Variants in FAM153A observed in about 807,000 individuals in gnomAD.
FAM153A encodes the protein protein FAM153A.
FAM153A carries 12 observed loss-of-function variants against 48.1 expected under a neutral mutation model. The ratio of observed to expected loss-of-function variants is 0.25; its 90% CI spans 0.16 to 0.40. FAM153A has a LOEUF of 0.40. Among genes scored for constraint, FAM153A ranks in the 10% least tolerant of loss-of-function variants. The probability of loss-of-function intolerance (pLI) is 1.00; values close to 1 mark genes in which losing one functional copy is unlikely to be tolerated. For missense variants in FAM153A, 111 were observed against 345.8 expected, an observed-to-expected ratio of 0.32 and a Z score of 5.38; for synonymous variants, 36 against 118.2, an observed-to-expected ratio of 0.30 and a Z score of 4.51.
chr5:177,696,983 G>T, the FAM153A span, among the ~76,000 whole-genome samples: 1 of 151,888 alleles, frequency 6.6e-6, no homozygotes, highest in Non-Finnish European at 1.5e-5. Context: ...TGCAAAAAAG[G>T]CAGGTGGAAT....
chr5:177,725,864 C>G (rs1389174297), intron 18 of FAM153A, among the ~76,000 whole-genome samples: 1 of 151,946 alleles, frequency 6.6e-6, no homozygotes, highest in African/African-American at 2.4e-5. Context: ...ACAGAGGGCC[C>G]TGAGCAACAG....
chr5:177,716,060 T>C (rs990091582), intron 25 of FAM153A, among the ~76,000 whole-genome samples: 9 of 151,206 alleles, frequency 6.0e-5, no homozygotes, highest in Admixed American at 1.3e-4. Flanking sequence ...CTTAGCTCAC[T>C]GTAGCCCCCA....
At chr5:177,706,018 T>C (rs1415285837), downstream of FAM153A, among the ~76,000 whole-genome samples, 5 of 151,820 alleles carry the variant, frequency 3.3e-5, no homozygotes, top group Non-Finnish European at 7.3e-5. Flanking sequence ...CATGCATGGA[T>C]TGAAAGACTT....
downstream of FAM153A, among the ~76,000 whole-genome samples, chr5:177,705,909 C>T (rs1393740520): frequency 2.0e-5 from 3 of 151,564 alleles, no homozygotes; most frequent in Non-Finnish European, 4.4e-5. Flanking sequence ...CTGCCCGCCT[C>T]GGCCTCCCAA....
At chr5:177,696,252 T>C in the FAM153A span, among the ~76,000 whole-genome samples, 1 of 121,008 alleles carries the variant, frequency 8.3e-6, no homozygotes, top group African/African-American at 3.3e-5. Flanking sequence ...CGCTCCTCAC[T>C]TCCCAGACGG....
At chr5:177,699,402 G>C in the FAM153A span, among the ~76,000 whole-genome samples, 1 of 151,628 alleles carries the variant, frequency 6.6e-6, no homozygotes, top group African/African-American at 2.4e-5. Flanking sequence ...GAAACCAGAA[G>C]TTGGTTCTTT....
chr5:177,706,536 AGTAGTTTTAGACAAAAC>A (rs1293056246), downstream of FAM153A, among the ~76,000 whole-genome samples: 5 of 152,022 alleles, frequency 3.3e-5, no homozygotes, highest in African/African-American at 4.8e-5. Context: ...AATTTTTAAG[AGTAGTTTTAGACAAAAC>A]GTAGTTTTAG....
the FAM153A span, among the ~76,000 whole-genome samples, chr5:177,701,492 G>A: frequency 6.6e-6 from 1 of 151,860 alleles, no homozygotes; most frequent in Non-Finnish European, 1.5e-5. Flanking sequence ...TTGAACCCAG[G>A]AGGTGGAGGT....
upstream of FAM153A, chr5:177,783,108 C>A (rs897498593): frequency 4.9e-5 from 5 of 102,024 alleles, 1 homozygote; most frequent in African/African-American, 1.9e-4. Flanking sequence ...GCCCTGGGGG[C>A]TGCCTGGCTG....
exon 27 of FAM153A, chr5:177,713,008 AAG>A (rs1758741278): frequency 6.6e-6 from 1 of 151,934 alleles, no homozygotes; most frequent in Admixed American, 6.6e-5. Context: ...GTGCTCTACC[AAG>A]AGAGACACCT....
chr5:177,754,729 C>A (rs143563112), upstream of FAM153A, among the ~76,000 whole-genome samples: 1,206 of 152,016 alleles, frequency 7.9e-3, 30 homozygotes, highest in African/African-American at 0.027. Flanking sequence ...CAAACAAGGT[C>A]CGGAGTGGAC....
rs199785250 is a variant in FAM153A, at chr5:177,736,583, G to T, written c.660C>A (p.Ala220=). The T allele has an allele frequency of 7.3e-6, 11 of 1,515,638 alleles. 2 individuals are homozygous for T. The highest frequency in any genetic ancestry group is 9.8e-6 in the Non-Finnish European group (11 of 1,123,678). The allele number at this position is 1,515,638 out of a possible 1,614,324, so 93.9% of individuals were successfully genotyped here. A position where few individuals can be genotyped will look rare whatever the true frequency, so the allele number is the denominator to read the frequency against. ...AGATGATCCCAGAATACGTACATTC[G>T]GCCAGTGTGTCTGGGTCCCCCTCCA... The change falls in exon 12 of 21, where the codon GCC becomes GCA. Residue 220 remains alanine, a synonymous_variant. Transcript: ENST00000614127.
At chr5:177,758,986 A>G (rs1423232895) in intron 1 of FAM153A, among the ~76,000 whole-genome samples, 2 of 151,826 alleles carry the variant, frequency 1.3e-5, no homozygotes, top group East Asian at 3.8e-4. Flanking sequence ...GGATCTAATT[A>G]AACTAAAGAG....
At chr5:177,711,380 A>C (rs188966346) in exon 27 of FAM153A, 25 of 152,104 alleles carry the variant, frequency 1.6e-4, no homozygotes, top group African/African-American at 6.0e-4. Context: ...GTTGTTTTTT[A>C]AGTAGAAGGA....
intron 25 of FAM153A, among the ~76,000 whole-genome samples, chr5:177,715,915 A>G (rs1267204571): frequency 1.3e-5 from 2 of 150,838 alleles, no homozygotes; most frequent in African/African-American, 2.5e-5. Flanking sequence ...GTTTATAGTA[A>G]CCCTCATACC....
upstream of FAM153A, among the ~76,000 whole-genome samples, chr5:177,757,049 C>G (rs1407281001): frequency 1.0e-5 from 1 of 95,418 alleles, no homozygotes; most frequent in East Asian, 2.7e-4. Context: ...AATCCAGGAG[C>G]TGGTTTTTTG....
In FAM153A at chr5:177,771,059, C is replaced by G. The variant is rs1436224288; in HGVS notation, c.-57+9390G>C. Among the ~76,000 whole-genome samples the G allele has an allele frequency of 2.1e-5, 2 of 97,348 alleles. 1 individual carries two copies. The highest frequency in any genetic ancestry group is 6.2e-4 in the East Asian group (2 of 3,228). The allele number at this position is 97,348 out of a possible 152,430, so 63.9% of individuals were successfully genotyped here. ...AGTGGTAACCCTAAAAATTGGAGAT[C>G]ATTAAAGACCAAAGTAACAGCATGT... On this transcript the variant is annotated intron_variant, in intron 1 of 8. Coordinates refer to the FAM153A transcript ENST00000393518.
At chr5:177,768,798 C>T (rs1475325322) in intron 1 of FAM153A, among the ~76,000 whole-genome samples, 2 of 110,394 alleles carry the variant, frequency 1.8e-5, no homozygotes, top group African/African-American at 3.7e-5. Context: ...GCTGTCCACC[C>T]GTTAGTCATC....
chr5:177,702,930 A>G, the FAM153A span, among the ~76,000 whole-genome samples: 1 of 152,076 alleles, frequency 6.6e-6, no homozygotes, highest in African/African-American at 2.4e-5. Flanking sequence ...GAGGTCCTCC[A>G]TGAAGGCTCT....
Sources: allele counts gnomAD v4.1 joint callset (sites outside exome capture counted in the v4.1 genomes callset), GRCh38; gene constraint gnomAD v4.1.1; transcripts MANE v1.5; gene names NCBI Gene and HGNC (gene_info 2026-07-23, HGNC 2026-07-21).